Variants in MYO18B observed in about 807,000 individuals in gnomAD.
The protein encoded by MYO18B is unconventional myosin-XVIIIb.
Under a neutral mutation model 273.0 loss-of-function variants are expected in MYO18B, and 204 were observed. The observed-to-expected ratio is 0.75, with a 90% CI of 0.67 to 0.84. The LOEUF is 0.84. MYO18B is among the 40% of genes least tolerant of loss of function. The pLI, the probability that MYO18B is intolerant of heterozygous loss-of-function variation, is 0.00. For missense variants in MYO18B, 3,212 were observed against 3,287.6 expected, an observed-to-expected ratio of 0.98 and a Z score of 0.56; for synonymous variants, 1,330 against 1,305.7, an observed-to-expected ratio of 1.02 and a Z score of -0.40.
chr22:25,893,717 G>A (rs1469915406), intron 27 of MYO18B, among the ~76,000 whole-genome samples: 4 of 151,856 alleles, frequency 2.6e-5, no homozygotes, highest in Non-Finnish European at 4.4e-5. Context: ...AATCTCTATT[G>A]AGGTCACCTC....
rs1936649154 is a variant in MYO18B at position 26,031,015 on chromosome 22, A to C, written c.*585A>C. 2.5e-6 allele frequency: 1 copy of C among 398,364 alleles called. No individual in the cohort carries two copies. Among genetic ancestry groups the C allele is most frequent in the Admixed American group, 4.4e-5 (1 of 22,720 alleles). The allele number at this position is 398,364 out of a possible 1,614,324, so 24.7% of individuals were successfully genotyped here. On this transcript the variant is annotated 3_prime_UTR_variant, in exon 44 of 44. Coordinates refer to ENST00000335473, the MANE Select transcript of MYO18B (RefSeq NM_032608.7). Reference sequence around the variant, plus strand: ...AATGATGAATGAATGAATGAGCCAAAGAACAAATAAATGAGCCCACACACC... The same window carrying C: ...AATGATGAATGAATGAATGAGCCAACGAACAAATAAATGAGCCCACACACC...
intron 1 of MYO18B, among the ~76,000 whole-genome samples, chr22:25,757,128 C>G (rs926626511): frequency 6.6e-6 from 1 of 152,152 alleles, no homozygotes; most frequent in African/African-American, 2.4e-5. Flanking sequence ...CTAGTACTTA[C>G]AAAAGCTTTA....
At chr22:26,025,505 G>A (rs955769750) in intron 42 of MYO18B, among the ~76,000 whole-genome samples, 3 of 152,196 alleles carry the variant, frequency 2.0e-5, no homozygotes, top group Admixed American at 6.5e-5. Flanking sequence ...GGAAACCCGC[G>A]TGTGCATCGC....
intron 42 of MYO18B, among the ~76,000 whole-genome samples, chr22:26,026,222 T>G (rs1252513139): frequency 6.6e-6 from 1 of 152,228 alleles, no homozygotes; most frequent in African/African-American, 2.4e-5. Flanking sequence ...TGTACTTAGC[T>G]GGGTTTAATT....
chr22:25,850,692 C>T (rs1211714371), intron 20 of MYO18B, among the ~76,000 whole-genome samples: 1 of 152,288 alleles, frequency 6.6e-6, no homozygotes, highest in Admixed American at 6.5e-5. Context: ...ATTCTCCCAC[C>T]TCCAGAGTAG....
intron 3 of MYO18B, among the ~76,000 whole-genome samples, chr22:25,767,373 T>C (rs1225628018): frequency 1.3e-5 from 2 of 152,174 alleles, no homozygotes; most frequent in Non-Finnish European, 2.9e-5. Context: ...TCAGCTGGTA[T>C]GGGAAGTGTG....
intron 29 of MYO18B, chr22:25,899,886 T>A (rs1184550983): frequency 6.6e-6 from 1 of 152,190 alleles, no homozygotes; most frequent in Admixed American, 6.5e-5. Context: ...TACCCCTGTC[T>A]GTGAAACAAG....
rs1601594672 is a variant in MYO18B, at chr22:25,926,877, A to G, written c.5517+5468A>G. ...CATGGCAGAAGAACGTGGATTGTAA[A>G]GATTCCATGGACATTTATTAGTTCC... is the stretch of plus-strand genomic sequence containing the variant. On this transcript the variant is annotated intron_variant, in intron 34 of 43. Coordinates refer to ENST00000335473, the MANE Select transcript of MYO18B (RefSeq NM_032608.7). Among the ~76,000 whole-genome samples the G allele has an allele frequency of 2.0e-5, 3 of 152,232 alleles. No homozygotes were observed. The South Asian group carries it at 6.2e-4, about 31-fold the overall frequency.
At chr22:25,882,636 CTGAG>C (rs1315980299) in intron 25 of MYO18B, among the ~76,000 whole-genome samples, 2 of 152,222 alleles carry the variant, frequency 1.3e-5, no homozygotes, top group Admixed American at 6.5e-5. Flanking sequence ...CGTTTGATGA[CTGAG>C]TATTATGATG....
chr22:25,906,292 G>T (rs2092041370), intron 31 of MYO18B, among the ~76,000 whole-genome samples: 1 of 139,120 alleles, frequency 7.2e-6, no homozygotes, highest in Non-Finnish European at 1.7e-5. Context: ...AAATGAAAAA[G>T]AAATATTATA....
At chr22:25,896,069 G>C (rs1214191618) in intron 28 of MYO18B, among the ~76,000 whole-genome samples, 1 of 152,048 alleles carries the variant, frequency 6.6e-6, no homozygotes, top group Non-Finnish European at 1.5e-5. Context: ...TCGTGGGTGT[G>C]TTCTGCTAGA....
At chr22:25,924,974 A>G (rs555477177) in intron 34 of MYO18B, among the ~76,000 whole-genome samples, 3 of 152,254 alleles carry the variant, frequency 2.0e-5, no homozygotes, top group African/African-American at 7.2e-5. Flanking sequence ...GGAGGTGGAT[A>G]TTCCTATTTT....
chr22:25,949,131 G>C (rs189592485), intron 36 of MYO18B, among the ~76,000 whole-genome samples: 38 of 152,252 alleles, frequency 2.5e-4, no homozygotes, highest in Admixed American at 7.2e-4. Flanking sequence ...CAATTGGCAA[G>C]CTTTTCAGGG....
At chr22:25,870,952 A>G (rs999982628) in intron 22 of MYO18B, among the ~76,000 whole-genome samples, 1 of 152,230 alleles carries the variant, frequency 6.6e-6, no homozygotes. Context: ...GGCAGGAGTA[A>G]GAAGTCTGTA....
chr22:25,788,852 G>T (rs767164062), intron 11 of MYO18B, among the ~76,000 whole-genome samples: 1 of 152,182 alleles, frequency 6.6e-6, no homozygotes, highest in Non-Finnish European at 1.5e-5. Flanking sequence ...TCGAATCCCA[G>T]TACCAGCGGT....
In MYO18B at chr22:25,876,240, G is replaced by A. The variant is rs375337701; in HGVS notation, c.4132G>A (p.Ala1378Thr). The change falls in exon 24 of 44, where the codon GCA (alanine) becomes ACA (threonine). Residue 1378 changes from alanine to threonine, a missense_variant. Physicochemically the swap from Ala to Thr is moderately conservative, Grantham distance 58. Transcript: ENST00000335473. ...CIQKNVAVFLAVKDWPWWQLL... is the reference protein window; with the variant it reads ...CIQKNVAVFLTVKDWPWWQLL... ...CCAGAAGAATGTGGCTGTGTTCCTC[G>A]CAGTCAAGGACTGGCCATGGTGGCA... 2.7e-5 allele frequency: 44 copies of A among 1,613,144 alleles called. No homozygotes were observed. The highest frequency in any genetic ancestry group is 1.6e-4 in the Middle Eastern group (1 of 6,082).
intron 39 of MYO18B, among the ~76,000 whole-genome samples, chr22:25,969,542 A>T (rs1394510805): frequency 2.0e-5 from 3 of 152,240 alleles, no homozygotes; most frequent in Non-Finnish European, 4.4e-5. Context: ...AGCAGAGAGG[A>T]GTATTTGTGA....
chr22:25,933,018 G>C (rs1185010688), intron 34 of MYO18B, among the ~76,000 whole-genome samples: 2 of 152,004 alleles, frequency 1.3e-5, no homozygotes, highest in African/African-American at 2.4e-5. Flanking sequence ...CCCAATTTAG[G>C]ATCCAACTTG....
intron 39 of MYO18B, among the ~76,000 whole-genome samples, chr22:25,975,460 A>G (rs1048845808): frequency 6.6e-6 from 1 of 152,200 alleles, no homozygotes; most frequent in African/African-American, 2.4e-5. Context: ...CTGTATGTCT[A>G]CTATGTGACA....
Sources: gnomAD v4.1 joint callset for allele counts (sites outside exome capture counted in the v4.1 genomes callset) on GRCh38, gnomAD v4.1.1 for gene constraint, MANE v1.5 for transcripts, NCBI Gene and HGNC (gene_info 2026-07-23, HGNC 2026-07-21) for gene names.